The following CFAP299 variants were observed in gnomAD, a reference collection of about 807,000 sequenced individuals.
CFAP299 encodes the protein cilia- and flagella-associated protein 299.
CFAP299 carries 21 observed loss-of-function variants against 27.0 expected under a neutral mutation model. That is an observed-to-expected ratio of 0.78 (90% CI 0.55 to 1.12). The LOEUF is 1.12. Ranked by LOEUF, CFAP299 falls within the 50% of genes most tolerant of loss-of-function variation. CFAP299 has a pLI of 0.00. For synonymous variants in CFAP299, 104 were observed against 98.1 expected (o/e 1.06, Z -0.36); for missense variants, 310 against 276.6 (o/e 1.12, Z -0.86).
In CFAP299 at chr4:80,412,665, A is replaced by G. The variant is rs576527681; in HGVS notation, c.242+49781A>G. Among the ~76,000 whole-genome samples the G allele has an allele frequency of 8.5e-5, 13 of 152,316 alleles. No homozygotes were observed. The South Asian group carries it at 2.7e-3, about 32-fold the overall frequency. On this transcript the variant is annotated intron_variant, in intron 2 of 5. Transcript: ENST00000358105. ...TAGAAAATGAGGACATTTTTCCAGC[A>G]TCTTTGCTCACTGAGGATGCTGAAG... is the stretch of plus-strand genomic sequence containing the variant.
intron 3 of CFAP299, among the ~76,000 whole-genome samples, chr4:80,853,566 A>G (rs1731648611): frequency 6.6e-6 from 1 of 152,212 alleles, no homozygotes; most frequent in Non-Finnish European, 1.5e-5. Context: ...CAGAAAACAT[A>G]TCATACAAAA....
intron 3 of CFAP299, among the ~76,000 whole-genome samples, chr4:80,593,825 T>C (rs1159279544): frequency 6.6e-6 from 1 of 152,224 alleles, no homozygotes; most frequent in East Asian, 1.9e-4. Flanking sequence ...AACAGGTGTT[T>C]CAGTGCTATA....
intron 4 of CFAP299, among the ~76,000 whole-genome samples, chr4:80,897,406 A>G (rs939739450): frequency 6.6e-6 from 1 of 152,170 alleles, no homozygotes; most frequent in African/African-American, 2.4e-5. Flanking sequence ...CACACAAACT[A>G]TTAGATGTAC....
intron 2 of CFAP299, among the ~76,000 whole-genome samples, chr4:80,447,783 G>T (rs1186559743): frequency 6.6e-6 from 1 of 152,118 alleles, no homozygotes; most frequent in Non-Finnish European, 1.5e-5. Context: ...CAGTCTTCTT[G>T]CTTTAAATTT....
chr4:80,605,660 A>C (rs1044492050), intron 3 of CFAP299, among the ~76,000 whole-genome samples: 1 of 152,180 alleles, frequency 6.6e-6, no homozygotes, highest in Non-Finnish European at 1.5e-5. Flanking sequence ...ATAAGAATAA[A>C]ATATTTGTAT....
At chr4:80,345,098 C>T (rs773836231) in intron 1 of CFAP299, among the ~76,000 whole-genome samples, 3 of 152,168 alleles carry the variant, frequency 2.0e-5, no homozygotes, top group Non-Finnish European at 2.9e-5. Flanking sequence ...TGTCCTCTCT[C>T]TCATTACTCC....
chr4:80,827,137 G>A (rs1730030096), intron 3 of CFAP299, among the ~76,000 whole-genome samples: 1 of 151,596 alleles, frequency 6.6e-6, no homozygotes, highest in South Asian at 2.1e-4. Flanking sequence ...ACAAACCAAA[G>A]GAGAGTTCAT....
intron 4 of CFAP299, among the ~76,000 whole-genome samples, chr4:80,922,941 T>G (rs1156748087): frequency 6.6e-6 from 1 of 151,480 alleles, no homozygotes; most frequent in Non-Finnish European, 1.5e-5. Flanking sequence ...ATTTTACATA[T>G]ATTTGAAAGA....
chr4:80,871,388 C>A, intron 4 of CFAP299: 1 of 985,414 alleles, frequency 1.0e-6, no homozygotes, highest in Non-Finnish European at 1.2e-6. Flanking sequence ...GTAGCTACCC[C>A]ACTGGGTACT....
intron 3 of CFAP299, among the ~76,000 whole-genome samples, chr4:80,677,823 C>T (rs1021415065): frequency 6.6e-6 from 1 of 151,878 alleles, no homozygotes; most frequent in Non-Finnish European, 1.5e-5. Flanking sequence ...GTCTGAAATT[C>T]TTCATGTGTG....
intron 3 of CFAP299, among the ~76,000 whole-genome samples, chr4:80,693,724 A>G (rs1404503533): frequency 6.6e-6 from 1 of 151,990 alleles, no homozygotes; most frequent in East Asian, 1.9e-4. Context: ...AAGAACTGGC[A>G]TTCTAAAGCA....
At chr4:80,568,171 A>G (rs975902832) in intron 2 of CFAP299, among the ~76,000 whole-genome samples, 3 of 151,908 alleles carry the variant, frequency 2.0e-5, no homozygotes, top group Non-Finnish European at 4.4e-5. Flanking sequence ...TGATCAATTA[A>G]TATTATACAA....
intron 3 of CFAP299, among the ~76,000 whole-genome samples, chr4:80,635,365 C>T (rs1002210233): frequency 7.9e-5 from 12 of 152,106 alleles, no homozygotes; most frequent in Non-Finnish European, 1.3e-4. Context: ...ACCTTCCTAT[C>T]ACAAATTAGA....
intron 2 of CFAP299, among the ~76,000 whole-genome samples, chr4:80,460,673 G>A (rs1478312280): frequency 2.6e-5 from 4 of 152,108 alleles, no homozygotes; most frequent in Non-Finnish European, 1.5e-5. Flanking sequence ...AAGTTTGTTA[G>A]TGTAGCTAGT....
Position 80,362,797 on chromosome 4 carries a change from G to A in CFAP299, c.155G>A (p.Gly52Glu). The A allele has an allele frequency of 6.2e-7, 1 of 1,613,232 alleles. No homozygotes were observed. Among genetic ancestry groups the A allele is most frequent in the South Asian group, 1.1e-5 (1 of 90,914 alleles). ...ARQLVELGYR[G>E]TGERVKREDF... ...CAGTTGGTGGAGCTAGGCTACCGAG[G>A]GACTGGAGAGAGAGTGAAAAGGGAA... Residue 52 changes from glycine to glutamate, a missense_variant, in exon 2 of 6, where the codon GGG (glycine) becomes GAG (glutamate). Transcript: ENST00000358105.
At chr4:80,327,750 T>TATAACTTCAATACATA in the CFAP299 span, among the ~76,000 whole-genome samples, 7 of 144,610 alleles carry the variant, frequency 4.8e-5, no homozygotes, top group Non-Finnish European at 7.5e-5. Flanking sequence ...TATATATATG[T>TATAACTTCAATACATA]TGAGAAAGCT....
intron 2 of CFAP299, among the ~76,000 whole-genome samples, chr4:80,521,482 A>T (rs1732908919): frequency 1.3e-5 from 2 of 152,190 alleles, no homozygotes; most frequent in South Asian, 2.1e-4. Flanking sequence ...TACATACATG[A>T]AATCTATCTG....
chr4:80,639,577 A>G (rs1326007584), intron 3 of CFAP299: 1 of 152,374 alleles, frequency 6.6e-6, no homozygotes, highest in African/African-American at 2.4e-5. Flanking sequence ...TTCCACTTAT[A>G]TAAGGTACCT....
At chr4:80,764,670 A>G (rs765840214) in intron 3 of CFAP299, among the ~76,000 whole-genome samples, 6 of 152,158 alleles carry the variant, frequency 3.9e-5, no homozygotes, top group Non-Finnish European at 7.3e-5. Flanking sequence ...CACTATTCAC[A>G]ATAGCAAAGA....
Sources: allele counts gnomAD v4.1 joint callset (sites outside exome capture counted in the v4.1 genomes callset), GRCh38; gene constraint gnomAD v4.1.1; transcripts MANE v1.5; gene names NCBI Gene and HGNC (gene_info 2026-07-23, HGNC 2026-07-21).